CLN3: variants seen among roughly 807,000 people sequenced by gnomAD.
CLN3 encodes battenin.
CLN3 carries 49 observed loss-of-function variants against 60.7 expected under a neutral mutation model. The observed-to-expected ratio is 0.81, with a 90% confidence interval of 0.64 to 1.02. CLN3 has a LOEUF of 1.02. CLN3 is among the 50% of genes least tolerant of loss of function. The pLI is 0.00. For missense variants in CLN3, 516 were observed against 557.4 expected (o/e 0.93, Z 0.75); for synonymous variants, 256 against 245.8 (o/e 1.04, Z -0.39).
chr16:28,486,936 A>G (rs566086116), intron 7 of CLN3: 61 of 464,310 alleles, frequency 1.3e-4, no homozygotes, highest in South Asian at 1.3e-3. Context: ...TTGGAGACGG[A>G]GTCTCGCCCT....
chr16:28,473,375 C>T (rs1322810870), downstream of CLN3, among the ~76,000 whole-genome samples: 4 of 152,092 alleles, frequency 2.6e-5, no homozygotes, highest in Admixed American at 6.6e-5. Flanking sequence ...TGAGCCACCA[C>T]GCCCGGCCTC....
chr16:28,485,314 C>A lies in CLN3; in HGVS notation c.677+1033G>T, dbSNP rs537099780. Reference sequence around the variant, plus strand: ...GGGCGCGGTGGCTCACGCCTGTATTCCTAGCATTATGGGAGGCCAAGGCAG... The same window carrying A: ...GGGCGCGGTGGCTCACGCCTGTATTACTAGCATTATGGGAGGCCAAGGCAG... On this transcript the variant is annotated intron_variant, in intron 9 of 15. Coordinates refer to ENST00000636147, the MANE Select transcript of CLN3 (RefSeq NM_001042432.2). Among the ~76,000 whole-genome samples, 5 of 150,044 alleles carry A rather than the reference C, an allele frequency of 3.3e-5. No individual in the cohort carries two copies. The South Asian group carries it at 8.4e-4, about 25-fold the overall frequency.
chr16:28,473,197 C>T (rs1050566114), downstream of CLN3, among the ~76,000 whole-genome samples: 14 of 152,076 alleles, frequency 9.2e-5, no homozygotes, highest in South Asian at 2.1e-4. Flanking sequence ...CTCCACCTCT[C>T]GGGCTCAAGC....
rs369540789 is a variant in CLN3, at chr16:28,477,496, C to T, written c.*20G>A. 9.9e-6 allele frequency: 16 copies of T among 1,612,298 alleles called. No individual in the cohort carries two copies. The highest frequency in any genetic ancestry group is 2.2e-5 in the East Asian group (1 of 44,866). ...TCTGCCCACAGGTGAATGTGACCTG[C>T]GTCCTGAGGATCCCGAGTATCAGGA... On this transcript the variant is annotated 3_prime_UTR_variant, in exon 16 of 16. Coordinates refer to ENST00000636147, the MANE Select transcript of CLN3 (RefSeq NM_001042432.2).
Position 28,491,537 on chromosome 16 carries a change from G to A in CLN3, c.70C>T (p.Arg24Trp), listed in dbSNP as rs1383936390. The change falls in exon 3 of 16, where the codon CGG (arginine) becomes TGG (tryptophan). Residue 24 changes from arginine (R) to tryptophan (W), a missense_variant. Coordinates refer to ENST00000636147, the MANE Select transcript of CLN3 (RefSeq NM_001042432.2). ...CCCTGATGGTCCAACAGAGGGAGCC[G>A]GGGCTCCGGGACGGTCTCCTCCCCT... Reference protein sequence around the residue: ...SEGEETVPEPRLPLLDHQGAH... With the variant: ...SEGEETVPEPWLPLLDHQGAH... 2.5e-6 allele frequency: 4 copies of A among 1,613,924 alleles called. No homozygotes were observed. Among genetic ancestry groups the A allele is most frequent in the Non-Finnish European group, 2.5e-6 (3 of 1,180,040 alleles).
At chr16:28,491,973 C>T in intron 1 of CLN3, 47 bp downstream of exon 1, 1 of 642,036 alleles carries the variant, frequency 1.6e-6, no homozygotes, top group South Asian at 1.8e-5. Context: ...CCCCACCCAT[C>T]GTACTCTCCC....
chr16:28,488,947 G>C (rs1215040793), intron 4 of CLN3, among the ~76,000 whole-genome samples: 3 of 152,200 alleles, frequency 2.0e-5, no homozygotes, highest in African/African-American at 7.2e-5. Flanking sequence ...TGTTGCCCAA[G>C]CTAGAGTGCA....
chr16:28,491,901 G>A (rs2046321367), intron 1 of CLN3, 66 bp from the exon 2 acceptor site: 10 of 1,105,070 alleles, frequency 9.0e-6, no homozygotes, highest in Non-Finnish European at 1.2e-5. Flanking sequence ...TAGGGCACTC[G>A]CGCCCCGCGA....
rs2046186932 is a variant in CLN3, at chr16:28,485,247, TG to T, written c.677+1099del. On this transcript the variant is annotated intron_variant, in intron 9 of 15. Coordinates refer to ENST00000636147, the MANE Select transcript of CLN3 (RefSeq NM_001042432.2). ...TGTGAGCCACCATGCCCGGCCAAAG[TG>T]TTTTGTAATATGCATGAAAATACAC... is the stretch of plus-strand genomic sequence containing the variant. Among the ~76,000 whole-genome samples, 6 of 147,744 alleles carry T rather than the reference TG, an allele frequency of 4.1e-5. No individual in the cohort carries two copies. In the South Asian group the frequency reaches 1.3e-3, roughly 31 times the overall value.
downstream of CLN3, among the ~76,000 whole-genome samples, chr16:28,472,625 G>A (rs1223745347): frequency 6.6e-6 from 1 of 151,014 alleles, no homozygotes; most frequent in Non-Finnish European, 1.5e-5. Flanking sequence ...CGGATCACTT[G>A]AGGTCAGGAG....
chr16:28,487,534 C>T lies in CLN3; in HGVS notation c.382G>A (p.Val128Ile). ...GLHLLPYSPR[V>I]LVSGICAAGS... ...GCAGCACAAATCCCACTGACGAGAA[C>T]CCGGGGGCTGAGGGGGTGAGAAGGG... Residue 128 changes from valine (V) to isoleucine (I), a missense_variant, in exon 7 of 16, where the codon GTT becomes ATT. By Grantham distance (29) the Val-to-Ile change is conservative. Transcript: ENST00000636147. 1.9e-6 allele frequency: 3 copies of T among 1,613,764 alleles called. No individual in the cohort carries two copies. The highest frequency in any genetic ancestry group is 2.5e-6 in the Non-Finnish European group (3 of 1,179,858).
In CLN3 at chr16:28,483,885, G is replaced by T. The variant is rs2064416277; in HGVS notation, c.790+121C>A. On this transcript the variant is annotated intron_variant, in intron 10 of 15. Coordinates refer to ENST00000636147, the MANE Select transcript of CLN3 (RefSeq NM_001042432.2). ...AACAAGTATTTCTCAAATAGACAAAGGCTTTTCCCATAACCAGTACACTCA... is the reference window on the plus strand; with the variant it reads ...AACAAGTATTTCTCAAATAGACAAATGCTTTTCCCATAACCAGTACACTCA... The T allele has an allele frequency of 4.1e-6, 3 of 733,922 alleles. No individual in the cohort carries two copies. In the South Asian group the frequency reaches 4.7e-5, roughly 11 times the overall value. 45.5% of individuals were successfully genotyped at this position (733,922 alleles called of 1,614,324 possible).
At position 28,491,438 on chromosome 16, in the gene CLN3, T is replaced by C. The variant is rs376142801; in HGVS notation, c.125+44A>G. On this transcript the variant is annotated intron_variant, in intron 3 of 15. Transcript: ENST00000636147. Reference sequence around the variant, plus strand: ...TCCCCCTTTCCTCCGGTCACTTCCCTCTTCTCATGCCATTGTCACTCGCTG... The same window carrying C: ...TCCCCCTTTCCTCCGGTCACTTCCCCCTTCTCATGCCATTGTCACTCGCTG... 162 of 1,608,056 alleles carry C rather than the reference T, an allele frequency of 1.0e-4. No individual in the cohort carries two copies. In the African/African-American group the frequency reaches 2.0e-3, roughly 19 times the overall value.
Position 28,488,326 on chromosome 16 carries a change from T to A in CLN3, c.294+265A>T, listed in dbSNP as rs149281. On this transcript the variant is annotated intron_variant, in intron 5 of 15. Transcript: ENST00000636147. ...AAATTATATTAAGGTCTCAATTATT[T>A]TATATATATATATTTTTTAATTTTT... 175,747 of 186,886 alleles carry A rather than the reference T, an allele frequency of 0.94. 82,569 individuals are homozygous for A. Among genetic ancestry groups the A allele is most frequent in the East Asian group, 0.99 (7,233 of 7,290 alleles). 11.6% of individuals were successfully genotyped at this position (186,886 alleles called of 1,614,324 possible). A position where few individuals can be genotyped will look rare whatever the true frequency, so the allele number is the denominator to read the frequency against.
intron 10 of CLN3, among the ~76,000 whole-genome samples, chr16:28,483,582 A>T (rs2141705630): frequency 6.6e-6 from 1 of 151,940 alleles, no homozygotes; most frequent in East Asian, 1.9e-4. Context: ...CTCACTGGCC[A>T]TTCTCTGGTT....
downstream of CLN3, chr16:28,470,653 A>AG (rs1235158395): frequency 3.6e-5 from 1 of 27,924 alleles, no homozygotes; most frequent in Non-Finnish European, 6.8e-5. Context: ...GGGGAGGGGA[A>AG]GGGGGGAAGT....
At chr16:28,480,844 T>C (rs1288291760) in intron 14 of CLN3, among the ~76,000 whole-genome samples, 1 of 152,212 alleles carries the variant, frequency 6.6e-6, no homozygotes, top group Non-Finnish European at 1.5e-5. Context: ...ATTAGACTGT[T>C]GTAAGGAAGG....
At chr16:28,477,278 G>C (rs912621572), downstream of CLN3, 1 of 578,248 alleles carries the variant, frequency 1.7e-6, no homozygotes, top group Admixed American at 3.0e-5. Context: ...GATATAAGAA[G>C]TCCATGGATA....
downstream of CLN3, among the ~76,000 whole-genome samples, chr16:28,472,506 A>C (rs1466278033): frequency 2.0e-5 from 3 of 152,128 alleles, no homozygotes; most frequent in African/African-American, 4.8e-5. Flanking sequence ...AAATGAAAAC[A>C]AGATCTAAAT....
Sources: allele counts gnomAD v4.1 joint callset (sites outside exome capture counted in the v4.1 genomes callset), GRCh38; gene constraint gnomAD v4.1.1; transcripts MANE v1.5; gene names NCBI Gene and HGNC (gene_info 2026-07-23, HGNC 2026-07-21).